Variants in NUB1 observed in about 807,000 individuals in gnomAD.
NUB1 encodes the protein negative regulator of ubiquitin like proteins 1, also known as NEDD8 ultimate buster 1.
A neutral mutation model predicts 77.1 loss-of-function variants in NUB1; 41 were observed. The ratio of observed to expected loss-of-function variants is 0.53; its 90% CI spans 0.41 to 0.69. The LOEUF (loss-of-function observed/expected upper bound fraction) is 0.69, where lower values mean the gene tolerates loss of function less well. Among genes scored for constraint, NUB1 ranks in the 30% least tolerant of loss-of-function variants. The pLI, the probability that NUB1 is intolerant of heterozygous loss-of-function variation, is 0.00. For synonymous variants in NUB1, 257 were observed against 281.0 expected, an observed-to-expected ratio of 0.91 and a Z score of 0.85; for missense variants, 643 against 743.8, an observed-to-expected ratio of 0.86 and a Z score of 1.58.
chr7:151,344,334 G>A lies in NUB1; in HGVS notation c.-2-1014G>A, dbSNP rs1278159040. On this transcript the variant is annotated intron_variant, in intron 1 of 14. Coordinates refer to ENST00000568733, the MANE Select transcript of NUB1 (RefSeq NM_001243351.2). ...TATATATTTATTATTATTTTGAGAC[G>A]GAGTCTCACTCTGTTGCCCAGGCTG... Among the ~76,000 whole-genome samples the A allele has an allele frequency of 6.6e-5, 10 of 150,534 alleles. No individual in the cohort carries two copies. In the East Asian group the frequency reaches 7.9e-4, roughly 12 times the overall value.
At chr7:151,350,213 C>G (rs1161702633) in intron 3 of NUB1, among the ~76,000 whole-genome samples, 3 of 152,256 alleles carry the variant, frequency 2.0e-5, no homozygotes, top group African/African-American at 7.2e-5. Flanking sequence ...GAAACAGGAG[C>G]GGGACCACTG....
chr7:151,342,028 CTTCGGGACGCGCTGGCCG>C (rs926972942), intron 1 of NUB1, 182 bp downstream of exon 1: 68 of 1,153,782 alleles, frequency 5.9e-5, no homozygotes, highest in Admixed American at 1.7e-4. Flanking sequence ...GTGGGCCGGG[CTTCGGGACGCGCTGGCCG>C]TTCGGGGCCC....
At chr7:151,369,407 T>G (rs1448271788) in intron 11 of NUB1, among the ~76,000 whole-genome samples, 1 of 152,244 alleles carries the variant, frequency 6.6e-6, no homozygotes, top group East Asian at 1.9e-4. Context: ...TCTCTTTCTT[T>G]AACACCATAG....
chr7:151,369,391 CCTCT>C (rs1054627992), intron 11 of NUB1, among the ~76,000 whole-genome samples: 9 of 152,214 alleles, frequency 5.9e-5, no homozygotes, highest in African/African-American at 2.2e-4. Flanking sequence ...CAAACGGTCC[CCTCT>C]CTCTCTTTCT....
intron 7 of NUB1, among the ~76,000 whole-genome samples, chr7:151,357,634 G>T (rs1797146102): frequency 6.7e-6 from 1 of 149,500 alleles, no homozygotes; most frequent in Non-Finnish European, 1.5e-5. Flanking sequence ...TCTTGAAAAG[G>T]AGTCTTACTC....
chr7:151,376,262 C>T (rs1011748592), intron 13 of NUB1: 4 of 465,992 alleles, frequency 8.6e-6, no homozygotes, highest in African/African-American at 5.9e-5. Context: ...CCTGGGAAAC[C>T]CATCCAGCTT....
intron 12 of NUB1, among the ~76,000 whole-genome samples, chr7:151,375,082 C>A (rs1382292592): frequency 5.3e-5 from 8 of 152,206 alleles, no homozygotes; most frequent in Non-Finnish European, 1.2e-4. Flanking sequence ...TCCTCGTTTG[C>A]CCTGCTGAGG....
At chr7:151,351,831 A>AT (rs908702212) in intron 4 of NUB1, among the ~76,000 whole-genome samples, 12 of 151,138 alleles carry the variant, frequency 7.9e-5, no homozygotes, top group African/African-American at 2.4e-4. Flanking sequence ...TTGAATTACT[A>AT]TTTTTTTTCC....
chr7:151,372,016 A>G (rs781721697), intron 11 of NUB1, among the ~76,000 whole-genome samples: 1 of 152,210 alleles, frequency 6.6e-6, no homozygotes, highest in Non-Finnish European at 1.5e-5. Context: ...CCTTTAATAC[A>G]TAATTATTAA....
At chr7:151,365,210 T>G (rs60855391) in intron 8 of NUB1, among the ~76,000 whole-genome samples, 2,416 of 152,148 alleles carry the variant, frequency 0.016, 78 homozygotes, top group African/African-American at 0.056. Context: ...TATATAATAA[T>G]AAGTGTTGAT....
chr7:151,342,846 TA>T (rs1421019075), intron 1 of NUB1, among the ~76,000 whole-genome samples: 1 of 152,210 alleles, frequency 6.6e-6, no homozygotes, highest in African/African-American at 2.4e-5. Flanking sequence ...TTTATTTGTT[TA>T]TTTTTTTAGT....
chr7:151,351,528 A>G, intron 4 of NUB1, 46 bp downstream of exon 4: 1 of 1,383,456 alleles, frequency 7.2e-7, no homozygotes, highest in Non-Finnish European at 1.0e-6. Flanking sequence ...GGGCCTTTTT[A>G]CATTGGCTTA....
At chr7:151,363,508 G>A (rs2150693032) in intron 8 of NUB1, among the ~76,000 whole-genome samples, 1 of 151,698 alleles carries the variant, frequency 6.6e-6, no homozygotes, top group South Asian at 2.1e-4. Context: ...ATTTCAGGCG[G>A]CCTAAAATGC....
intron 1 of NUB1, among the ~76,000 whole-genome samples, chr7:151,343,092 G>A (rs2487148): frequency 0.015 from 2,241 of 152,316 alleles, 63 homozygotes; most frequent in African/African-American, 0.051. Flanking sequence ...ATTTTATTCA[G>A]AATTTCTGAA....
chr7:151,373,820 G>A (rs770495796), intron 11 of NUB1, among the ~76,000 whole-genome samples: 7 of 152,228 alleles, frequency 4.6e-5, no homozygotes, highest in Admixed American at 1.3e-4. Context: ...TCCTGATGCC[G>A]GATGGTGGAT....
intron 2 of NUB1, among the ~76,000 whole-genome samples, chr7:151,348,569 CTTT>C (rs59781719): frequency 0.034 from 2,348 of 69,696 alleles, 5 homozygotes; most frequent in Admixed American, 0.06. Flanking sequence ...TTGCTTTTTG[CTTT>C]TTTTTTTTTT....
intron 4 of NUB1, 81 bp from the exon 5 acceptor site, chr7:151,352,731 C>T (rs1796875155): frequency 1.1e-6 from 1 of 882,642 alleles, no homozygotes; most frequent in Non-Finnish European, 1.8e-6. Flanking sequence ...GCGTGAGCCA[C>T]CGGGCCTGGC....
rs368373075 is a variant in NUB1 at position 151,374,211 on chromosome 7, G to A, written c.1363G>A (p.Ala455Thr). ...STHAAQQVLH[A>T]ASGNLDEALK... ...GCACGCGGCCCAGCAGGTACTCCAC[G>A]CAGCCAGCGGGAACTTGGATGAGGC... Residue 455 changes from alanine (A) to threonine (T), a missense_variant, in exon 12 of 15, where the codon GCA becomes ACA. Ala to Thr is a moderately conservative substitution (Grantham distance 58). Transcript: ENST00000568733. 1.6e-5 allele frequency: 25 copies of A among 1,563,124 alleles called. No homozygotes were observed. The highest frequency in any genetic ancestry group is 3.5e-5 in the South Asian group (3 of 84,594).
chr7:151,347,983 CTGAAA>C (rs1450120667), intron 2 of NUB1, among the ~76,000 whole-genome samples: 2 of 152,124 alleles, frequency 1.3e-5, no homozygotes, highest in African/African-American at 4.8e-5. Context: ...TATCCCGTAA[CTGAAA>C]TATTTGGGAC....
Sources: gnomAD v4.1 joint callset for allele counts (sites outside exome capture counted in the v4.1 genomes callset) on GRCh38, gnomAD v4.1.1 for gene constraint, MANE v1.5 for transcripts, NCBI Gene and HGNC (gene_info 2026-07-23, HGNC 2026-07-21) for gene names.